The following VWA5A variants were observed in gnomAD, a reference collection of about 807,000 sequenced individuals.
The protein encoded by VWA5A is von Willebrand factor A domain-containing protein 5A.
Under a neutral mutation model 84.6 loss-of-function variants are expected in VWA5A, and 77 were observed. The ratio of observed to expected loss-of-function variants is 0.91; its 90% CI spans 0.76 to 1.10. The LOEUF (loss-of-function observed/expected upper bound fraction) is 1.10, where lower values mean the gene tolerates loss of function less well. Ranked by LOEUF, VWA5A falls within the 50% of genes least tolerant of loss-of-function variation. VWA5A has a pLI of 0.00. For synonymous variants in VWA5A, 334 were observed against 350.1 expected, an observed-to-expected ratio of 0.95 and a Z score of 0.51; for missense variants, 973 against 963.0, an observed-to-expected ratio of 1.01 and a Z score of -0.14.
At chr11:124,140,040 T>C (rs1326667410) in intron 15 of VWA5A, among the ~76,000 whole-genome samples, 3 of 152,230 alleles carry the variant, frequency 2.0e-5, no homozygotes, top group African/African-American at 4.8e-5. Flanking sequence ...TCTGCATCTA[T>C]TGAAATGATC....
In VWA5A at chr11:124,118,239, A is replaced by C. The variant is rs1198874448; in HGVS notation, c.297A>C (p.Leu99Phe). The C allele has an allele frequency of 6.2e-7, 1 of 1,613,954 alleles. No individual in the cohort carries two copies. Among genetic ancestry groups the C allele is most frequent in the East Asian group, 2.2e-5 (1 of 44,876 alleles). The part of the protein sequence containing the change: ...KAISQGHQAF[L>F]LEGDSSSRDV... ...TCTCCCAGGGCCACCAGGCCTTCTT[A>C]TTGGAGGGGGACAGCAGCTCCAGGG... The change falls in exon 5 of 19, where the codon TTA becomes TTC. Residue 99 changes from leucine (L) to phenylalanine (F), a missense_variant. Leu to Phe is a conservative substitution (Grantham distance 22). Transcript: ENST00000456829.
At chr11:124,135,061 C>T (rs1017864689) in intron 12 of VWA5A, 27 bp downstream of exon 12, 2 of 1,595,384 alleles carry the variant, frequency 1.3e-6, no homozygotes, top group Admixed American at 1.7e-5. Context: ...CTGTGTCTGT[C>T]TGGAGGTGGC....
At position 124,137,263 on chromosome 11, in the gene VWA5A, A is replaced by G; in HGVS notation, c.1874A>G (p.Gln625Arg). The change falls in exon 15 of 19, where the codon CAA (glutamine) becomes CGA (arginine). Residue 625 changes from glutamine to arginine, a missense_variant. By Grantham distance (43) the Gln-to-Arg change is conservative (BLOSUM62 1). Transcript: ENST00000456829. ...GASAPLKIKC[Q>R]SGFRKALHSD... ...TCTGCCCCATTGAAGATAAAATGCC[A>G]ATCAGGTAATGAGTTTTATTCCATT... The G allele has an allele frequency of 6.2e-7, 1 of 1,614,002 alleles. No homozygotes were observed. The highest frequency in any genetic ancestry group is 8.5e-7 in the Non-Finnish European group (1 of 1,179,972).
At chr11:124,117,352 TC>T in intron 2 of VWA5A, 144 bp from the exon 3 acceptor site, 1 of 774,772 alleles carries the variant, frequency 1.3e-6, no homozygotes, top group East Asian at 2.6e-5. Flanking sequence ...AATCTTTGTC[TC>T]CTTTTTTTTA....
chr11:124,118,439 G>C (rs1565613995), intron 5 of VWA5A, 28 bp downstream of exon 5: 2 of 1,612,152 alleles, frequency 1.2e-6, no homozygotes, highest in Middle Eastern at 1.7e-4. Flanking sequence ...TTGAATTCTA[G>C]TGGTGGGTGA....
rs768784128 is a variant in VWA5A at position 124,124,279 on chromosome 11, G to A, written c.1207G>A (p.Val403Ile). Residue 403 changes from valine (V) to isoleucine (I), a missense_variant, in exon 11 of 19, where the codon GTA becomes ATA. Coordinates refer to ENST00000456829, the MANE Select transcript of VWA5A (RefSeq NM_001130142.2). ...TDGEVTDTFS[V>I]IKEVRINRQK... ...TGGAGAAGTTACAGACACGTTTAGT[G>A]TAATTAAAGAAGTTAGGATCAACAG... 2.5e-6 allele frequency: 4 copies of A among 1,613,980 alleles called. No homozygotes were observed. The highest frequency in any genetic ancestry group is 3.4e-6 in the Non-Finnish European group (4 of 1,179,984).
intron 2 of VWA5A, 72 bp from the exon 3 acceptor site, chr11:124,117,425 G>T (rs1360894647): frequency 1.5e-6 from 2 of 1,372,614 alleles, no homozygotes; most frequent in Non-Finnish European, 1.0e-6. Context: ...CCAGAGAAAG[G>T]CACATAAAGT....
chr11:124,133,814 T>C (rs1018194191), intron 11 of VWA5A, among the ~76,000 whole-genome samples: 6 of 152,222 alleles, frequency 3.9e-5, no homozygotes, highest in African/African-American at 9.6e-5. Flanking sequence ...GTAAGTGCTA[T>C]ATAAAATTTT....
chr11:124,117,828 T>G lies in VWA5A; in HGVS notation c.199T>G (p.Leu67Val), dbSNP rs1864859290. 1 of 1,614,100 alleles carries G rather than the reference T, an allele frequency of 6.2e-7. No homozygotes were observed. Among genetic ancestry groups the G allele is most frequent in the African/African-American group, 1.3e-5 (1 of 74,934 alleles). ...CTCTGCTGTTTACAGCTTTGAGGCC[T>G]TGGTGGATGGGAAGAAAATTGTAGC... is the stretch of plus-strand genomic sequence containing the variant. ...EDSAVYSFEA[L>V]VDGKKIVAEL... is the part of the protein sequence containing the mutation. The change falls in exon 4 of 19, where the codon TTG (leucine) becomes GTG (valine). Residue 67 changes from leucine to valine, a missense_variant. Transcript: ENST00000456829.
intron 11 of VWA5A, among the ~76,000 whole-genome samples, chr11:124,127,756 C>A (rs148735751): frequency 0.13 from 19,668 of 152,190 alleles, 1,358 homozygotes; most frequent in African/African-American, 0.18. Context: ...TTGCATTTCT[C>A]TAATGACCAG....
In VWA5A at chr11:124,136,691, CCCTTCCTTCCTTCCTTCCTT is replaced by C. The variant is rs370786608; in HGVS notation, c.1625+55_1625+74del. The C allele has an allele frequency of 1.8e-4, 200 of 1,095,960 alleles. No individual in the cohort carries two copies. Among genetic ancestry groups the C allele is most frequent in the South Asian group, 5.0e-4 (34 of 68,404 alleles). 67.9% of individuals were successfully genotyped at this position (1,095,960 alleles called of 1,614,324 possible). On this transcript the variant is annotated intron_variant, in intron 14 of 18. Transcript: ENST00000456829. ...TGATGTCAAGTGAGAATTCAGTTTT[CCCTTCCTTCCTTCCTTCCTT>C]CCTTCCTTCCTTCCTTCCTTCCTTC...
At chr11:124,129,409 A>G (rs1457793681) in intron 11 of VWA5A, among the ~76,000 whole-genome samples, 1 of 152,200 alleles carries the variant, frequency 6.6e-6, no homozygotes, top group Non-Finnish European at 1.5e-5. Context: ...TTTCACATCC[A>G]TGTTCATCAC....
intron 11 of VWA5A, among the ~76,000 whole-genome samples, chr11:124,132,628 C>A (rs1237794098): frequency 6.6e-6 from 1 of 151,506 alleles, no homozygotes; most frequent in African/African-American, 2.4e-5. Flanking sequence ...GTTATTTGTG[C>A]CTTTTCTATT....
At chr11:124,135,121 G>A (rs551203608) in intron 12 of VWA5A, 87 bp downstream of exon 12, 44 of 1,095,786 alleles carry the variant, frequency 4.0e-5, no homozygotes, top group South Asian at 1.3e-4. Context: ...AAGGGCAGGG[G>A]TAGCAACTTT....
At position 124,137,147 on chromosome 11, in the gene VWA5A, A is replaced by T. The variant is rs781090231; in HGVS notation, c.1758A>T (p.Thr586=). 1.9e-6 allele frequency: 3 copies of T among 1,614,098 alleles called. No individual in the cohort carries two copies. In the South Asian group the frequency reaches 3.3e-5, roughly 18 times the overall value. The part of the protein sequence containing the change: ...SLESGVISSF[T]AFIAINKELN... ...AGTCTGGTGTCATAAGCTCCTTCACAGCTTTCATTGCTATCAATAAGGAGC... is the reference window on the plus strand; with the variant it reads ...AGTCTGGTGTCATAAGCTCCTTCACTGCTTTCATTGCTATCAATAAGGAGC... The change falls in exon 15 of 19, where the codon ACA becomes ACT. Residue 586 remains threonine, a synonymous_variant. Transcript: ENST00000456829.
rs758367590 is a variant in VWA5A, at chr11:124,136,148, G to A, written c.1379G>A (p.Arg460His). ...MQSKALRTLK[R>H]SLQPVVEDVS... The stretch of plus-strand genomic sequence containing the variant: ...CATTAGGCTCTCAGGACTCTGAAAC[G>A]CTCTCTGCAGCCTGTGGTAGAGGAT... The change falls in exon 13 of 19, where the codon CGC (arginine) becomes CAC (histidine). Residue 460 changes from arginine to histidine, a missense_variant. By Grantham distance (29) the Arg-to-His change is conservative. Transcript: ENST00000456829. 1.9e-6 allele frequency: 3 copies of A among 1,613,986 alleles called. No homozygotes were observed. The highest frequency in any genetic ancestry group is 2.2e-5 in the East Asian group (1 of 44,878).
At chr11:124,121,499 T>C (rs1864931485) in intron 7 of VWA5A, among the ~76,000 whole-genome samples, 1 of 152,116 alleles carries the variant, frequency 6.6e-6, no homozygotes, top group South Asian at 2.1e-4. Flanking sequence ...TTTTTTTAGC[T>C]CATCAGCTAT....
chr11:124,126,698 G>T (rs1865023032), intron 11 of VWA5A, among the ~76,000 whole-genome samples: 1 of 151,962 alleles, frequency 6.6e-6, no homozygotes, highest in South Asian at 2.1e-4. Context: ...GGCAGAGGTT[G>T]CAGTGAGCCG....
At chr11:124,132,125 C>A (rs867533380) in intron 11 of VWA5A, among the ~76,000 whole-genome samples, 4 of 151,786 alleles carry the variant, frequency 2.6e-5, no homozygotes, top group Admixed American at 6.6e-5. Flanking sequence ...ATCCTTTATT[C>A]TTTTAAAGTG....
Sources: allele counts gnomAD v4.1 joint callset (sites outside exome capture counted in the v4.1 genomes callset), GRCh38; gene constraint gnomAD v4.1.1; transcripts MANE v1.5; gene names NCBI Gene and HGNC (gene_info 2026-07-23, HGNC 2026-07-21).